MAP3K9: variants seen among roughly 807,000 people sequenced by gnomAD.
MAP3K9 encodes mixed lineage kinase 1 (tyr and ser/thr specificity).
A neutral mutation model predicts 95.8 loss-of-function variants in MAP3K9; 46 were observed. The ratio of observed to expected loss-of-function variants is 0.48; its 90% CI spans 0.38 to 0.61. The LOEUF (loss-of-function observed/expected upper bound fraction) is 0.61, where lower values mean the gene tolerates loss of function less well. MAP3K9 is among the 20% of genes least tolerant of loss of function. MAP3K9 has a pLI of 0.00. For missense variants in MAP3K9, 1,296 were observed against 1,474.3 expected (o/e 0.88, Z 1.98); for synonymous variants, 533 against 593.8 (o/e 0.90, Z 1.49).
chr14:70,746,624 G>A (rs530429371), intron 5 of MAP3K9, among the ~76,000 whole-genome samples: 1 of 152,294 alleles, frequency 6.6e-6, no homozygotes, highest in African/African-American at 2.4e-5. Flanking sequence ...AAGTTAATAA[G>A]GGCATCACAT....
intron 10 of MAP3K9, chr14:70,733,831 T>C (rs1376117226): frequency 2.8e-6 from 2 of 717,838 alleles, no homozygotes; most frequent in Non-Finnish European, 5.2e-6. Flanking sequence ...AGGGGGATGC[T>C]CAGTTTGCTG....
intron 3 of MAP3K9, among the ~76,000 whole-genome samples, chr14:70,752,092 T>C (rs114031938): frequency 6.6e-6 from 1 of 152,224 alleles, no homozygotes; most frequent in Non-Finnish European, 1.5e-5. Flanking sequence ...ATTTTCTTTA[T>C]GCATCTTGCC....
chr14:70,738,472 C>CCACA, intron 7 of MAP3K9, 74 bp from the exon 8 acceptor site: 4 of 1,237,134 alleles, frequency 3.2e-6, no homozygotes, highest in Non-Finnish European at 4.6e-6. Context: ...CTCTATACCA[C>CCACA]CACACACACA....
At chr14:70,756,646 C>G (rs1270441669) in intron 3 of MAP3K9, among the ~76,000 whole-genome samples, 1 of 152,212 alleles carries the variant, frequency 6.6e-6, no homozygotes. Flanking sequence ...AGTTCTCCTT[C>G]CTCTTTTATG....
intron 2 of MAP3K9, among the ~76,000 whole-genome samples, chr14:70,775,208 T>C (rs1029290444): frequency 6.6e-5 from 10 of 152,146 alleles, no homozygotes; most frequent in African/African-American, 2.4e-4. Flanking sequence ...ATACCTACTA[T>C]GTCCCAGGTG....
At position 70,732,905 on chromosome 14, in the gene MAP3K9, T is replaced by A; in HGVS notation, c.2464A>T (p.Met822Leu). The A allele has an allele frequency of 1.2e-6, 2 of 1,613,908 alleles. No homozygotes were observed. Among genetic ancestry groups the A allele is most frequent in the Non-Finnish European group, 1.7e-6 (2 of 1,179,874 alleles). The change falls in exon 11 of 12, where the codon ATG becomes TTG. Residue 822 changes from methionine (M) to leucine (L), a missense_variant. By Grantham distance (15) the Met-to-Leu change is conservative. Around this residue, in one of 5 missense-constraint regions of MAP3K9, gnomAD observed 433 missense variants for 441.4 expected, o/e 0.98. Transcript: ENST00000554752. ...GCAGAGGGGTCTCCTAGCAACAGCA[T>A]GGGCTCCTCCTTCTTGAAAAGCTTT... ...SRKLFKKEEP[M>L]LLLGDPSASL...
chr14:70,803,154 G>T (rs1414998540), intron 1 of MAP3K9, among the ~76,000 whole-genome samples: 1 of 151,712 alleles, frequency 6.6e-6, no homozygotes, highest in Non-Finnish European at 1.5e-5. Context: ...ATGAATAAAA[G>T]CTCCCTGAGG....
At chr14:70,799,970 G>A (rs1439302549) in intron 2 of MAP3K9, among the ~76,000 whole-genome samples, 1 of 152,188 alleles carries the variant, frequency 6.6e-6, no homozygotes, top group African/African-American at 2.4e-5. Context: ...GTCAGCCAAC[G>A]TGAAGGACTG....
In MAP3K9 at chr14:70,749,944, T is replaced by C. The variant is rs1454053508; in HGVS notation, c.1139A>G (p.Lys380Arg). The C allele has an allele frequency of 1.2e-6, 2 of 1,614,096 alleles. No individual in the cohort carries two copies. The highest frequency in any genetic ancestry group is 2.2e-5 in the East Asian group (1 of 44,900). Reference protein sequence around the residue: ...IPSTCPEPFAKLMEDCWNPDP... With the variant: ...IPSTCPEPFARLMEDCWNPDP... ...CAGGGCTTACTTACCTTCCATGAGT[T>C]TGGCAAAAGGTTCTGGGCACGTAGA... The change falls in exon 4 of 12, where the codon AAA becomes AGA. Residue 380 changes from lysine to arginine, a missense_variant. Coordinates refer to ENST00000554752, the MANE Select transcript of MAP3K9 (RefSeq NM_001284230.2).
chr14:70,762,938 T>G (rs1436629004), intron 2 of MAP3K9, among the ~76,000 whole-genome samples: 1 of 152,248 alleles, frequency 6.6e-6, no homozygotes, highest in Non-Finnish European at 1.5e-5. Context: ...TTCATTCTTT[T>G]GCATGTGGCT....
chr14:70,732,877 G>A lies in MAP3K9; in HGVS notation c.2492C>T (p.Ser831Phe). 1 of 1,613,934 alleles carries A rather than the reference G, an allele frequency of 6.2e-7. No homozygotes were observed. Among genetic ancestry groups the A allele is most frequent in the Middle Eastern group, 1.6e-4 (1 of 6,062 alleles). The change falls in exon 11 of 12, where the codon TCC becomes TTC. Residue 831 changes from serine to phenylalanine, a missense_variant. By Grantham distance (155) the Ser-to-Phe change is radical (BLOSUM62 -2). Coordinates refer to ENST00000554752, the MANE Select transcript of MAP3K9 (RefSeq NM_001284230.2). Reference sequence around the variant, plus strand: ...GGAGGAGAGGGAGAGCAGCGTCAGGGAGGCAGAGGGGTCTCCTAGCAACAG... The same window carrying A: ...GGAGGAGAGGGAGAGCAGCGTCAGGAAGGCAGAGGGGTCTCCTAGCAACAG... ...PMLLLGDPSA[S>F]LTLLSLSSIS...
intron 2 of MAP3K9, among the ~76,000 whole-genome samples, chr14:70,788,360 T>C (rs980247262): frequency 3.3e-5 from 5 of 152,234 alleles, no homozygotes; most frequent in African/African-American, 1.2e-4. Flanking sequence ...ATATACTGGG[T>C]GCTTATTACG....
rs765964098 is a variant in MAP3K9 at position 70,730,665 on chromosome 14, C to A, written c.3030G>T (p.Val1010=). The A allele has an allele frequency of 1.7e-5, 28 of 1,613,600 alleles. 1 individual carries two copies. In the South Asian group the frequency reaches 2.9e-4, roughly 16 times the overall value. The stretch of plus-strand genomic sequence containing the variant: ...AGGTGCTGCGGGCATGGCTGGGGGA[C>A]ACAAACCACCAAGGGTCCAGCCGTT... The part of the protein sequence containing the change: ...NRQRLDPWWF[V]SPSHARSTSP... Residue 1010 remains valine (V), a synonymous_variant, in exon 12 of 12, where the codon GTG becomes GTT. Coordinates refer to ENST00000554752, the MANE Select transcript of MAP3K9 (RefSeq NM_001284230.2).
intron 2 of MAP3K9, among the ~76,000 whole-genome samples, chr14:70,798,565 G>A (rs891260078): frequency 4.7e-5 from 6 of 128,772 alleles, no homozygotes; most frequent in Admixed American, 1.8e-4. Flanking sequence ...TGCAAGCTCC[G>A]CCTCCCGGGT....
At chr14:70,735,315 T>C (rs1019298999) in intron 9 of MAP3K9, among the ~76,000 whole-genome samples, 4 of 151,294 alleles carry the variant, frequency 2.6e-5, no homozygotes, top group African/African-American at 9.7e-5. Flanking sequence ...GACTGAGGAA[T>C]CTGTGGGCTA....
At chr14:70,742,649 C>A in intron 5 of MAP3K9, 58 bp from the exon 6 acceptor site, 1 of 1,576,680 alleles carries the variant, frequency 6.3e-7, no homozygotes, top group Non-Finnish European at 8.6e-7. Flanking sequence ...CAGAGGGGCT[C>A]TGGGGTGAGG....
intron 3 of MAP3K9, among the ~76,000 whole-genome samples, chr14:70,759,238 A>G (rs1304055685): frequency 6.6e-6 from 1 of 152,156 alleles, no homozygotes; most frequent in East Asian, 1.9e-4. Flanking sequence ...GCTTTGGATC[A>G]GTTCAAGACC....
chr14:70,769,614 C>T (rs2054503939), intron 2 of MAP3K9, among the ~76,000 whole-genome samples: 3 of 152,136 alleles, frequency 2.0e-5, no homozygotes, highest in Admixed American at 2.0e-4. Flanking sequence ...TTCAAAGGTT[C>T]CAGGGAAGGA....
chr14:70,778,083 T>C (rs915359418), intron 2 of MAP3K9, among the ~76,000 whole-genome samples: 2 of 138,142 alleles, frequency 1.4e-5, no homozygotes, highest in African/African-American at 5.1e-5. Context: ...TTGTTTTTTG[T>C]TGTTTGTTGT....
Sources: allele counts gnomAD v4.1 joint callset (sites outside exome capture counted in the v4.1 genomes callset), GRCh38; gene constraint gnomAD v4.1.1; regional missense constraint gnomAD v4.1.1; transcripts MANE v1.5; gene names NCBI Gene and HGNC (gene_info 2026-07-23, HGNC 2026-07-21).